The following RNF2 variants were observed in gnomAD, a reference collection of about 807,000 sequenced individuals.
The protein encoded by RNF2 is ring finger protein 2, also known as E3 ubiquitin-protein ligase RING2.
In RNF2, 6 loss-of-function variants were observed where a neutral mutation model predicts 37.2. The ratio of observed to expected loss-of-function variants is 0.16; its 90% confidence interval spans 0.09 to 0.32. The LOEUF is 0.32. Among genes scored for constraint, RNF2 ranks in the 10% least tolerant of loss-of-function variants. The pLI is 1.00. For synonymous variants in RNF2, 133 were observed against 132.7 expected, an observed-to-expected ratio of 1.00 and a Z score of -0.02; for missense variants, 251 against 404.0, an observed-to-expected ratio of 0.62 and a Z score of 3.25.
rs547468074 is a variant in RNF2, at chr1:185,068,196, T to C, written c.-2-19356T>C. ...AAAAACAAATTAAGGAAACAGCATG[T>C]ATGCAGGATAAAGACTTAAGTGTTG... On this transcript the variant is annotated intron_variant, in intron 1 of 6. Coordinates refer to ENST00000367510, the MANE Select transcript of RNF2 (RefSeq NM_007212.4). Among the ~76,000 whole-genome samples the C allele has an allele frequency of 1.2e-4, 19 of 152,330 alleles. No homozygotes were observed. In the South Asian group the frequency reaches 3.5e-3, roughly 28 times the overall value.
chr1:185,098,009 C>G, intron 4 of RNF2, 63 bp from the exon 5 acceptor site: 1 of 1,554,734 alleles, frequency 6.4e-7, no homozygotes, highest in Non-Finnish European at 8.7e-7. Flanking sequence ...AAACATGCTT[C>G]AGATTTGTTG....
intron 1 of RNF2, among the ~76,000 whole-genome samples, chr1:185,081,688 G>T (rs1326577561): frequency 2.0e-5 from 3 of 152,112 alleles, no homozygotes; most frequent in Non-Finnish European, 2.9e-5. Flanking sequence ...GGGATTACAG[G>T]TGTGAGCCAC....
intron 1 of RNF2, among the ~76,000 whole-genome samples, chr1:185,070,620 A>G (rs1046457453): frequency 8.0e-5 from 12 of 149,308 alleles, no homozygotes; most frequent in African/African-American, 3.0e-4. Flanking sequence ...ACTTCTGTAG[A>G]CTGCAGTATT....
At position 185,093,401 on chromosome 1, in the gene RNF2, G is replaced by GCAGGTATAATACATGCCTC; in HGVS notation, c.464+130_464+148dup. On this transcript the variant is annotated intron_variant, in intron 4 of 6. Transcript: ENST00000367510. ...GTAGTACTGCATGATTACCTTTCGT[G>GCAGGTATAATACATGCCTC]CAGGTATAATACATGCCTCCAGGCA... 5.0e-6 allele frequency: 4 copies of GCAGGTATAATACATGCCTC among 804,642 alleles called. No individual in the cohort carries two copies. The South Asian group carries it at 6.9e-5, about 14-fold the overall frequency. 49.8% of individuals were successfully genotyped at this position (804,642 alleles called of 1,614,324 possible).
At chr1:185,083,973 ACT>A (rs1286819352) in intron 1 of RNF2, among the ~76,000 whole-genome samples, 3 of 136,418 alleles carry the variant, frequency 2.2e-5, no homozygotes, top group African/African-American at 8.3e-5. Flanking sequence ...GTGGGATCTC[ACT>A]CTGTTGCCCA....
chr1:185,077,745 T>G (rs868025485), intron 1 of RNF2, among the ~76,000 whole-genome samples: 1 of 151,704 alleles, frequency 6.6e-6, no homozygotes, highest in African/African-American at 2.4e-5. Context: ...TGTTGTTTGA[T>G]TTCAGCTTTT....
At chr1:185,070,077 C>T (rs1456406465) in intron 1 of RNF2, among the ~76,000 whole-genome samples, 9 of 152,154 alleles carry the variant, frequency 5.9e-5, no homozygotes, top group Admixed American at 5.9e-4. Flanking sequence ...AAATAATTTT[C>T]TCCCTGGTCT....
intron 1 of RNF2, among the ~76,000 whole-genome samples, chr1:185,055,208 C>T (rs939823236): frequency 6.6e-6 from 1 of 152,124 alleles, no homozygotes; most frequent in Non-Finnish European, 1.5e-5. Flanking sequence ...ATTTATTTTT[C>T]CGGATTTTCT....
intron 1 of RNF2, among the ~76,000 whole-genome samples, chr1:185,072,544 A>G (rs1651008897): frequency 6.6e-6 from 1 of 152,020 alleles, no homozygotes; most frequent in African/African-American, 2.4e-5. Context: ...CTATGGGAAA[A>G]TCTTGGGGGG....
intron 1 of RNF2, among the ~76,000 whole-genome samples, chr1:185,083,290 G>GT (rs1422197323): frequency 1.2e-4 from 18 of 152,208 alleles, no homozygotes; most frequent in African/African-American, 4.3e-4. Flanking sequence ...TATTTTGTCA[G>GT]TTTTCTCAGG....
intron 1 of RNF2, among the ~76,000 whole-genome samples, chr1:185,065,632 T>G (rs1042752348): frequency 3.9e-5 from 6 of 152,042 alleles, no homozygotes; most frequent in African/African-American, 1.4e-4. Flanking sequence ...ACTCCTGAAG[T>G]CAGCGAGACC....
chr1:185,059,248 A>G (rs1650529916), intron 1 of RNF2, among the ~76,000 whole-genome samples: 1 of 151,726 alleles, frequency 6.6e-6, no homozygotes, highest in Non-Finnish European at 1.5e-5. Context: ...AAACCTCCGT[A>G]ATAGTTTTTC....
rs141137953 is a variant in RNF2, at chr1:185,085,911, C to G, written c.-2-1641C>G. 7.9e-4 allele frequency among the ~76,000 whole-genome samples: 120 copies of G among 152,248 alleles called. 3 individuals are homozygous for G. In the East Asian group the frequency reaches 0.021, roughly 27 times the overall value. ...AGGTGATCTGCCTGCCTTGGCCTTC[C>G]AAAGTGCTGGGATTATAGGGATGAG... is the stretch of plus-strand genomic sequence containing the variant. On this transcript the variant is annotated intron_variant, in intron 1 of 6. Transcript: ENST00000367510.
At chr1:185,055,238 C>G (rs1038528234) in intron 1 of RNF2, among the ~76,000 whole-genome samples, 1 of 152,146 alleles carries the variant, frequency 6.6e-6, no homozygotes, top group Non-Finnish European at 1.5e-5. Context: ...ATTATACTTA[C>G]CAGTTGAGCA....
rs1406000739 is a variant in RNF2, at chr1:185,091,721, T to C, written c.230T>C (p.Ile77Thr). 1 of 1,613,990 alleles carries C rather than the reference T, an allele frequency of 6.2e-7. No homozygotes were observed. The highest frequency in any genetic ancestry group is 1.3e-5 in the African/African-American group (1 of 74,938). ...CATCGTTTTTGTGCAGACTGCATCA[T>C]CACAGCCCTTAGAAGTGGGTATGTT... ...CLHRFCADCI[I>T]TALRSGNKEC... The change falls in exon 3 of 7, where the codon ATC becomes ACC. Residue 77 changes from isoleucine to threonine, a missense_variant. Physicochemically the swap from Ile to Thr is moderately conservative, Grantham distance 89 (BLOSUM62 -1). Coordinates refer to ENST00000367510, the MANE Select transcript of RNF2 (RefSeq NM_007212.4).
At chr1:185,068,540 A>G (rs1378635553) in intron 1 of RNF2, among the ~76,000 whole-genome samples, 2 of 152,230 alleles carry the variant, frequency 1.3e-5, no homozygotes, top group Non-Finnish European at 2.9e-5. Flanking sequence ...TATGGTCACA[A>G]GCCAAGGCAT....
At chr1:185,064,688 T>C (rs1650747609) in intron 1 of RNF2, among the ~76,000 whole-genome samples, 1 of 111,518 alleles carries the variant, frequency 9.0e-6, no homozygotes, top group African/African-American at 3.4e-5. Context: ...GTTATCTTAA[T>C]AATATTTTGT....
At chr1:185,098,027 G>A in intron 4 of RNF2, 45 bp from the exon 5 acceptor site, 1 of 1,593,786 alleles carries the variant, frequency 6.3e-7, no homozygotes, top group Non-Finnish European at 8.6e-7. Context: ...TTGCTTTAAA[G>A]GCCTAAAAGT....
intron 4 of RNF2, among the ~76,000 whole-genome samples, chr1:185,097,746 A>G (rs1033298158): frequency 6.6e-6 from 1 of 152,252 alleles, no homozygotes; most frequent in African/African-American, 2.4e-5. Context: ...TTTGTTGCCC[A>G]AGCTGGTCTC....
Sources: allele counts gnomAD v4.1 joint callset (sites outside exome capture counted in the v4.1 genomes callset), GRCh38; gene constraint gnomAD v4.1.1; transcripts MANE v1.5; gene names NCBI Gene and HGNC (gene_info 2026-07-23, HGNC 2026-07-21).